The following ZBTB38 variants were observed in gnomAD, a reference collection of about 807,000 sequenced individuals.
ZBTB38 encodes the protein zinc finger and BTB domain-containing protein 38.
Under a neutral mutation model 76.8 loss-of-function variants are expected in ZBTB38, and 20 were observed. The ratio of observed to expected loss-of-function variants is 0.26; its 90% CI spans 0.18 to 0.38. The LOEUF is 0.38. Among genes scored for constraint, ZBTB38 ranks in the 10% least tolerant of loss-of-function variants. The pLI, the probability that ZBTB38 is intolerant of heterozygous loss-of-function variation, is 1.00. For synonymous variants in ZBTB38, 504 were observed against 544.2 expected, an observed-to-expected ratio of 0.93 and a Z score of 1.03; for missense variants, 1,082 against 1,482.3, an observed-to-expected ratio of 0.73 and a Z score of 4.43.
intron 1 of ZBTB38, among the ~76,000 whole-genome samples, chr3:141,335,283 A>G (rs1192349265): frequency 6.6e-6 from 1 of 152,240 alleles, no homozygotes; most frequent in Non-Finnish European, 1.5e-5. Flanking sequence ...AGTGTTTAGA[A>G]CTGTGTCTGA....
chr3:141,436,156 A>G (rs893108704), intron 5 of ZBTB38, among the ~76,000 whole-genome samples: 7 of 152,244 alleles, frequency 4.6e-5, no homozygotes, highest in Non-Finnish European at 1.0e-4. Context: ...GCTTTAAAGT[A>G]ACTTTAAAGT....
At chr3:141,363,666 T>G (rs780880913), upstream of ZBTB38, among the ~76,000 whole-genome samples, 9 of 152,156 alleles carry the variant, frequency 5.9e-5, no homozygotes, top group African/African-American at 1.2e-4. Context: ...ACTCTTTATT[T>G]TAGAATAGTT....
intron 5 of ZBTB38, among the ~76,000 whole-genome samples, chr3:141,411,274 A>G (rs561593015): frequency 2.9e-4 from 44 of 152,336 alleles, no homozygotes; most frequent in African/African-American, 9.4e-4. Context: ...TAGCACAGTG[A>G]TTGGCTCCTA....
At chr3:141,357,140 C>A (rs1943686000) in intron 1 of ZBTB38, among the ~76,000 whole-genome samples, 1 of 152,162 alleles carries the variant, frequency 6.6e-6, no homozygotes, top group African/African-American at 2.4e-5. Flanking sequence ...AGGCAAATGA[C>A]CCTCCTTGTG....
intron 1 of ZBTB38, among the ~76,000 whole-genome samples, chr3:141,339,212 A>G (rs2148900002): frequency 6.6e-6 from 1 of 152,328 alleles, no homozygotes; most frequent in South Asian, 2.1e-4. Flanking sequence ...GTCATATTGG[A>G]GTCACCAAGG....
At chr3:141,387,305 C>A (rs1947381972) in intron 4 of ZBTB38, 1 of 151,306 alleles carries the variant, frequency 6.6e-6, no homozygotes. Context: ...ACAAAAACAA[C>A]AACAACAAAA....
chr3:141,337,466 C>A (rs906242685), intron 1 of ZBTB38, among the ~76,000 whole-genome samples: 27 of 152,230 alleles, frequency 1.8e-4, no homozygotes, highest in African/African-American at 6.5e-4. Context: ...TCCCCTCCAA[C>A]CCTGCCGCAG....
rs1253999984 is a variant in ZBTB38, at chr3:141,442,236, G to A, written c.1-153G>A. On this transcript the variant is annotated intron_variant, in intron 5 of 5. Transcript: ENST00000321464. The surrounding 1 kb of genome is among the most constrained non-coding windows in gnomAD (Gnocchi z 6.4). ...GCAAGAAAAAGATTTAGCTTCTAAT[G>A]TTGACTCTTGAGTCTCGGGAGCATC... 6.6e-6 allele frequency among the ~76,000 whole-genome samples: 1 copy of A among 152,174 alleles called. No individual in the cohort carries two copies. Among genetic ancestry groups the A allele is most frequent in the Non-Finnish European group, 1.5e-5 (1 of 68,030 alleles).
At chr3:141,348,733 T>C (rs1320409642) in intron 1 of ZBTB38, among the ~76,000 whole-genome samples, 1 of 152,126 alleles carries the variant, frequency 6.6e-6, no homozygotes, top group Non-Finnish European at 1.5e-5. Context: ...AGCCAATGAG[T>C]ATCTGATTCA....
At chr3:141,332,261 C>G (rs931640485) in intron 1 of ZBTB38, among the ~76,000 whole-genome samples, 1 of 152,178 alleles carries the variant, frequency 6.6e-6, no homozygotes, top group Non-Finnish European at 1.5e-5. Context: ...CCCTGCTACT[C>G]CAACCAAATT....
At chr3:141,344,512 G>T (rs944499864) in intron 1 of ZBTB38, among the ~76,000 whole-genome samples, 11 of 152,152 alleles carry the variant, frequency 7.2e-5, no homozygotes, top group Non-Finnish European at 1.2e-4. Flanking sequence ...GGGACCACAG[G>T]CACATGCCAC....
In ZBTB38 at chr3:141,368,809, G is replaced by C. The variant is rs1017151242; in HGVS notation, c.-310+5G>C. Reference sequence around the variant, plus strand: ...CAGAGGAGCCAGCGCCTCCGAGTAAGTGAAGGCCCACTTTTGGCCCCCCCT... The same window carrying C: ...CAGAGGAGCCAGCGCCTCCGAGTAACTGAAGGCCCACTTTTGGCCCCCCCT... On this transcript the variant is annotated splice_donor_5th_base_variant and intron_variant, in intron 1 of 5. Transcript: ENST00000321464. 6.6e-6 allele frequency: 1 copy of C among 151,974 alleles called. No individual in the cohort carries two copies. Among genetic ancestry groups the C allele is most frequent in the Admixed American group, 6.6e-5 (1 of 15,262 alleles). 9.4% of individuals were successfully genotyped at this position (151,974 alleles called of 1,614,324 possible). A position where few individuals can be genotyped will look rare whatever the true frequency, so the allele number is the denominator to read the frequency against.
Position 141,362,118 on chromosome 3 carries a change from T to C in ZBTB38, c.-738-6503T>C, listed in dbSNP as rs78857379. ...TCCTGACCTGCACTTGAAGGTATTATACTAGAAGGTTTTGTGGAGGGGAAA... is the reference window on the plus strand; with the variant it reads ...TCCTGACCTGCACTTGAAGGTATTACACTAGAAGGTTTTGTGGAGGGGAAA... On this transcript the variant is annotated intron_variant, in intron 1 of 7. Transcript: ENST00000509842. Among the ~76,000 whole-genome samples, 859 of 152,324 alleles carry C rather than the reference T, an allele frequency of 5.6e-3. 7 individuals carry two copies. Among genetic ancestry groups the C allele is most frequent in the African/African-American group, 0.02 (817 of 41,578 alleles).
At chr3:141,360,497 G>A (rs765194071) in intron 1 of ZBTB38, among the ~76,000 whole-genome samples, 9 of 152,120 alleles carry the variant, frequency 5.9e-5, no homozygotes, top group Non-Finnish European at 1.0e-4. Flanking sequence ...GGCATGAGGG[G>A]ATGGAAAATC....
chr3:141,351,795 T>A (rs1057337087), intron 1 of ZBTB38, among the ~76,000 whole-genome samples: 1 of 151,732 alleles, frequency 6.6e-6, no homozygotes, highest in African/African-American at 2.4e-5. Flanking sequence ...ATATTATAGG[T>A]TGAAAATGTT....
chr3:141,402,449 C>T (rs1466713882), intron 4 of ZBTB38: 1 of 151,336 alleles, frequency 6.6e-6, no homozygotes, highest in Non-Finnish European at 1.5e-5. Context: ...AGCCGAGCCC[C>T]GTAAGTGCCC....
At chr3:141,367,720 T>G (rs1449068901), upstream of ZBTB38, 1 of 152,266 alleles carries the variant, frequency 6.6e-6, no homozygotes, top group Non-Finnish European at 1.5e-5. Context: ...GGAATATTAA[T>G]AGTACCTACC....
chr3:141,431,311 G>A (rs1484686274), intron 5 of ZBTB38, among the ~76,000 whole-genome samples: 6 of 116,236 alleles, frequency 5.2e-5, no homozygotes, highest in African/African-American at 8.5e-5. Context: ...GGACAAGAGC[G>A]AGACTTCGTC....
intron 4 of ZBTB38, chr3:141,389,502 C>T (rs1250085090): frequency 7.0e-6 from 1 of 141,996 alleles, no homozygotes; most frequent in Non-Finnish European, 1.5e-5. Context: ...TTGCCTGTGA[C>T]TTTAAATGAC....
Sources: allele counts gnomAD v4.1 joint callset (sites outside exome capture counted in the v4.1 genomes callset), GRCh38; gene constraint gnomAD v4.1.1; non-coding constraint Gnocchi (gnomAD v3.1); transcripts MANE v1.5; gene names NCBI Gene and HGNC (gene_info 2026-07-23, HGNC 2026-07-21).